Variants in HTT observed in about 807,000 individuals in gnomAD.
HTT encodes huntingtin.
A neutral mutation model predicts 362.3 loss-of-function variants in HTT; 104 were observed. The ratio of observed to expected loss-of-function variants is 0.29; its 90% CI spans 0.24 to 0.34. The LOEUF is 0.34. HTT is among the 10% of genes least tolerant of loss of function. The pLI is 1.00. For synonymous variants in HTT, 1,577 were observed against 1,548.7 expected, an observed-to-expected ratio of 1.02 and a Z score of -0.43; for missense variants, 3,301 against 3,928.6, an observed-to-expected ratio of 0.84 and a Z score of 4.27.
intron 65 of HTT, 82 bp from the exon 66 acceptor site, chr4:3,238,731 CCCCCA>C: frequency 6.3e-6 from 4 of 636,660 alleles, no homozygotes; most frequent in South Asian, 1.7e-5. Flanking sequence ...ATGCCTCTGG[CCCCCA>C]CCCCACCCCC....
At chr4:3,132,013 A>G (rs1715844976) in intron 16 of HTT, among the ~76,000 whole-genome samples, 1 of 152,198 alleles carries the variant, frequency 6.6e-6, no homozygotes, top group Admixed American at 6.5e-5. Context: ...GAGCCAACAT[A>G]TATACACATC....
chr4:3,107,466 T>C, intron 6 of HTT, 43 bp downstream of exon 6: 1 of 1,606,314 alleles, frequency 6.2e-7, no homozygotes, highest in Non-Finnish European at 8.5e-7. Flanking sequence ...AGTGATGCTG[T>C]GAGTGAGTCT....
chr4:3,155,275 G>A (rs1174443940), intron 27 of HTT, among the ~76,000 whole-genome samples: 1 of 151,694 alleles, frequency 6.6e-6, no homozygotes, highest in African/African-American at 2.4e-5. Context: ...AGGCTGGAGT[G>A]CAGTGGTGCA....
At chr4:3,088,645 C>T (rs1336861308) in intron 2 of HTT, among the ~76,000 whole-genome samples, 3 of 152,152 alleles carry the variant, frequency 2.0e-5, no homozygotes, top group Non-Finnish European at 4.4e-5. Flanking sequence ...AACTCCCTAT[C>T]ATCCATTCTT....
chr4:3,182,985 A>G (rs948255681), intron 37 of HTT, among the ~76,000 whole-genome samples: 20 of 152,058 alleles, frequency 1.3e-4, no homozygotes, highest in African/African-American at 4.3e-4. Context: ...GGTTCAACCA[A>G]TTCTCCCACC....
intron 37 of HTT, among the ~76,000 whole-genome samples, chr4:3,182,688 C>G (rs902804477): frequency 2.0e-5 from 3 of 152,118 alleles, no homozygotes; most frequent in Non-Finnish European, 2.9e-5. Flanking sequence ...CCCACAGCTC[C>G]GAGAGGTTAT....
Position 3,078,889 on chromosome 4 carries a change from C to T in HTT, c.263+3801C>T, listed in dbSNP as rs559825188. ...AGCTGGGACTACAGGCGCCTGCCAC[C>T]ACGTCCAGCTAATTTTTTTGTATTT... On this transcript the variant is annotated intron_variant, in intron 1 of 66. Coordinates refer to ENST00000355072, the MANE Select transcript of HTT (RefSeq NM_001388492.1). Among the ~76,000 whole-genome samples the T allele has an allele frequency of 3.9e-5, 6 of 152,290 alleles. No individual in the cohort carries two copies. In the South Asian group the frequency reaches 1.2e-3, roughly 32 times the overall value.
At chr4:3,216,490 G>A (rs1025206124) in intron 51 of HTT, among the ~76,000 whole-genome samples, 14 of 152,210 alleles carry the variant, frequency 9.2e-5, no homozygotes, top group African/African-American at 2.4e-4. Context: ...CACCTGGAAC[G>A]GATGACAGTC....
intron 37 of HTT, among the ~76,000 whole-genome samples, chr4:3,183,123 C>T (rs541917749): frequency 6.6e-6 from 1 of 152,360 alleles, no homozygotes; most frequent in South Asian, 2.1e-4. Flanking sequence ...CGCAAGTGAT[C>T]CACCAACCTT....
At chr4:3,112,577 T>A (rs1320632981) in intron 6 of HTT, among the ~76,000 whole-genome samples, 1 of 152,244 alleles carries the variant, frequency 6.6e-6, no homozygotes, top group Non-Finnish European at 1.5e-5. Context: ...TTCTATATTA[T>A]CGTGTGTATT....
rs1262292771 is a variant in HTT, at chr4:3,151,102, C to T, written c.3498+2895C>T. 2.6e-5 allele frequency among the ~76,000 whole-genome samples: 4 copies of T among 151,948 alleles called. No homozygotes were observed. The East Asian group carries it at 5.8e-4, about 22-fold the overall frequency. ...CACAGGAAGAAGTGAGCAAGCATTA[C>T]CATCTGAGCTCTATCTCCTCTCAGG... On this transcript the variant is annotated intron_variant, in intron 26 of 66. Coordinates refer to ENST00000355072, the MANE Select transcript of HTT (RefSeq NM_001388492.1).
At position 3,228,727 on chromosome 4, in the gene HTT, C is replaced by T. The variant is rs375426084; in HGVS notation, c.7961C>T (p.Thr2654Met). 14 of 1,595,066 alleles carry T rather than the reference C, an allele frequency of 8.8e-6. No individual in the cohort carries two copies. The highest frequency in any genetic ancestry group is 3.5e-5 in the Admixed American group (2 of 56,560). Residue 2654 changes from threonine to methionine, a missense_variant, in exon 58 of 67, where the codon ACG becomes ATG. Around this residue, in one of 4 missense-constraint regions of HTT, gnomAD observed 753 missense variants for 1,021.3 expected, o/e 0.74. Coordinates refer to ENST00000355072, the MANE Select transcript of HTT (RefSeq NM_001388492.1). This position sits in a 1 kb window ranked among gnomAD's most constrained non-coding sequence, Gnocchi z 4.3. ...GCCCCTGCACCTTCGTCACCACCCA[C>T]GTCTCCAGTCAACTCCAGGTTTTCC... ...ADAPAPSSPPTSPVNSRKHRA... is the reference protein window; with the variant it reads ...ADAPAPSSPPMSPVNSRKHRA...
At chr4:3,079,274 G>T (rs1425532342) in intron 1 of HTT, among the ~76,000 whole-genome samples, 7 of 143,866 alleles carry the variant, frequency 4.9e-5, no homozygotes, top group South Asian at 2.2e-4. Context: ...TTTGGGGTTG[G>T]GGGGCAAGGT....
At chr4:3,231,805 T>G (rs1021327629) in intron 60 of HTT, among the ~76,000 whole-genome samples, 2 of 152,132 alleles carry the variant, frequency 1.3e-5, no homozygotes, top group Non-Finnish European at 2.9e-5. Context: ...CTAACTTGAA[T>G]TGTAACTGTG....
At chr4:3,195,377 G>A (rs1191021446) in intron 40 of HTT, among the ~76,000 whole-genome samples, 2 of 152,088 alleles carry the variant, frequency 1.3e-5, no homozygotes, top group Non-Finnish European at 2.9e-5. Flanking sequence ...GCGTGCAGCT[G>A]TAGCTGTTTC....
At chr4:3,178,094 C>T (rs549299834) in intron 34 of HTT, among the ~76,000 whole-genome samples, 94 of 152,328 alleles carry the variant, frequency 6.2e-4, no homozygotes, top group African/African-American at 2.1e-3. Context: ...CTGCTGCCTC[C>T]GAACCTTTAC....
At chr4:3,231,512 G>A (rs955335995) in intron 60 of HTT, among the ~76,000 whole-genome samples, 18 of 152,160 alleles carry the variant, frequency 1.2e-4, no homozygotes, top group South Asian at 6.2e-4. Context: ...GCACATGTCC[G>A]TGACCTGGAG....
chr4:3,101,619 G>A (rs1714162132), intron 3 of HTT, among the ~76,000 whole-genome samples: 1 of 152,226 alleles, frequency 6.6e-6, no homozygotes, highest in Admixed American at 6.5e-5. Flanking sequence ...TGTGTATGGT[G>A]AAAACTAGGT....
chr4:3,148,222 G>T lies in HTT; in HGVS notation c.3498+15G>T, dbSNP rs1433594259. On this transcript the variant is annotated intron_variant, in intron 26 of 66. Transcript: ENST00000355072. ...CCGCAATAAAGGTAATGTCCCACTT[G>T]GGTGCTGGATTCATACAGCCTTAAT... 1.9e-6 allele frequency: 3 copies of T among 1,541,570 alleles called. No homozygotes were observed. The highest frequency in any genetic ancestry group is 2.0e-5 in the Admixed American group (1 of 50,184).
Sources: allele counts gnomAD v4.1 joint callset (sites outside exome capture counted in the v4.1 genomes callset), GRCh38; gene constraint gnomAD v4.1.1; regional missense constraint gnomAD v4.1.1; non-coding constraint Gnocchi (gnomAD v3.1); transcripts MANE v1.5; gene names NCBI Gene and HGNC (gene_info 2026-07-23, HGNC 2026-07-21).